Variants in ROBO1 observed in about 807,000 individuals in gnomAD.
ROBO1 encodes the protein roundabout homolog 1.
Under a neutral mutation model 195.9 loss-of-function variants are expected in ROBO1, and 149 were observed. That is an observed-to-expected ratio of 0.76 (90% CI 0.67 to 0.87). ROBO1 has a LOEUF of 0.87. ROBO1 is among the 40% of genes least tolerant of loss of function. The pLI is 0.00. For missense variants in ROBO1, 1,933 were observed against 2,068.3 expected (o/e 0.93, Z 1.27); for synonymous variants, 816 against 733.2 (o/e 1.11, Z -1.82).
At chr3:79,671,283 A>C (rs1298454749) in intron 1 of ROBO1, among the ~76,000 whole-genome samples, 1 of 151,874 alleles carries the variant, frequency 6.6e-6, no homozygotes, top group East Asian at 1.9e-4. Context: ...AAATGTGGAA[A>C]TTAATTCTCT....
At chr3:79,719,913 T>C (rs539396017) in intron 1 of ROBO1, among the ~76,000 whole-genome samples, 2 of 152,310 alleles carry the variant, frequency 1.3e-5, no homozygotes, top group East Asian at 1.9e-4. Context: ...CCAAGGTTCA[T>C]ATTTGAGGGA....
intron 2 of ROBO1, among the ~76,000 whole-genome samples, chr3:79,500,985 C>T (rs1379395850): frequency 1.3e-5 from 2 of 152,092 alleles, no homozygotes; most frequent in African/African-American, 4.8e-5. Context: ...ACTCCTCCAC[C>T]TCAGATGAGC....
intron 2 of ROBO1, among the ~76,000 whole-genome samples, chr3:79,292,516 T>A (rs965889655): frequency 6.6e-6 from 1 of 152,202 alleles, no homozygotes; most frequent in Non-Finnish European, 1.5e-5. Flanking sequence ...TGTGGGTTTG[T>A]TATAAATAGC....
At chr3:78,607,876 C>T (rs1399751679) in intron 28 of ROBO1, among the ~76,000 whole-genome samples, 1 of 152,112 alleles carries the variant, frequency 6.6e-6, no homozygotes, top group African/African-American at 2.4e-5. Context: ...CCAGGACTAA[C>T]CAATGGTTCA....
chr3:79,448,628 G>A (rs912644668), intron 2 of ROBO1, among the ~76,000 whole-genome samples: 2 of 152,030 alleles, frequency 1.3e-5, no homozygotes, highest in African/African-American at 4.8e-5. Context: ...TTTCCTCACC[G>A]CGATATGAGC....
At chr3:79,249,810 C>T (rs1040434373) in intron 2 of ROBO1, among the ~76,000 whole-genome samples, 1 of 152,096 alleles carries the variant, frequency 6.6e-6, no homozygotes, top group African/African-American at 2.4e-5. Flanking sequence ...GAAGTGTGTA[C>T]GTTCCCAAAC....
At chr3:78,890,138 G>A (rs1233490161) in intron 4 of ROBO1, among the ~76,000 whole-genome samples, 3 of 152,058 alleles carry the variant, frequency 2.0e-5, no homozygotes, top group African/African-American at 7.2e-5. Context: ...TGTAAGGACA[G>A]GAGTATTTTC....
At position 79,672,980 on chromosome 3, in the gene ROBO1, G is replaced by A. The variant is rs552496350; in HGVS notation, c.-50-83019C>T. On this transcript the variant is annotated intron_variant, in intron 1 of 30. Coordinates refer to ENST00000464233, the MANE Select transcript of ROBO1 (RefSeq NM_002941.4). ...TTTGTAAGAAAATCCTCTCAAGAGC[G>A]AGCAATGCCAAATGAGGGCCAAATG... Among the ~76,000 whole-genome samples the A allele has an allele frequency of 3.9e-5, 6 of 151,964 alleles. No individual in the cohort carries two copies. In the South Asian group the frequency reaches 1.0e-3, roughly 26 times the overall value.
At chr3:79,700,351 T>G (rs1947586915) in intron 1 of ROBO1, among the ~76,000 whole-genome samples, 1 of 68,304 alleles carries the variant, frequency 1.5e-5, no homozygotes, top group Non-Finnish European at 3.2e-5. Flanking sequence ...GTGTGTGTCT[T>G]TCTGGGAGAA....
chr3:79,157,340 G>A (rs2080876948), intron 2 of ROBO1, among the ~76,000 whole-genome samples: 1 of 151,930 alleles, frequency 6.6e-6, no homozygotes, highest in Non-Finnish European at 1.5e-5. Flanking sequence ...AACTGAAGCA[G>A]AGTGGTGGAA....
chr3:79,283,720 C>T (rs1342903260), intron 2 of ROBO1, among the ~76,000 whole-genome samples: 3 of 143,906 alleles, frequency 2.1e-5, no homozygotes, highest in Non-Finnish European at 3.0e-5. Flanking sequence ...TTTTTTGAGA[C>T]GGAGTCTCGC....
intron 4 of ROBO1, among the ~76,000 whole-genome samples, chr3:78,909,418 C>T (rs931532766): frequency 1.8e-4 from 28 of 151,884 alleles, no homozygotes; most frequent in African/African-American, 6.3e-4. Context: ...TGTGAGTCTT[C>T]TACTGTTAAT....
chr3:78,677,763 G>A (rs1483665728), intron 10 of ROBO1, among the ~76,000 whole-genome samples: 7 of 152,036 alleles, frequency 4.6e-5, no homozygotes, highest in East Asian at 3.9e-4. Flanking sequence ...TAGACAGATC[G>A]ACAAGACAGA....
At chr3:78,923,528 T>G (rs892208410) in intron 4 of ROBO1, among the ~76,000 whole-genome samples, 1 of 152,124 alleles carries the variant, frequency 6.6e-6, no homozygotes, top group Admixed American at 6.5e-5. Context: ...AAATGGTGTG[T>G]GTAATGCTAC....
At chr3:79,192,136 C>T (rs917755608) in intron 2 of ROBO1, among the ~76,000 whole-genome samples, 1 of 151,336 alleles carries the variant, frequency 6.6e-6, no homozygotes, top group Non-Finnish European at 1.5e-5. Flanking sequence ...AAATATATCC[C>T]CACATTTGAA....
intron 2 of ROBO1, among the ~76,000 whole-genome samples, chr3:79,162,138 T>C (rs573448098): frequency 3.3e-5 from 5 of 152,202 alleles, no homozygotes; most frequent in Admixed American, 2.6e-4. Context: ...TGTATGGTAA[T>C]AGGCACTAGC....
At chr3:79,542,906 T>G (rs1942129113) in intron 2 of ROBO1, among the ~76,000 whole-genome samples, 2 of 152,098 alleles carry the variant, frequency 1.3e-5, no homozygotes, top group South Asian at 4.1e-4. Context: ...CAATTCATTT[T>G]AATTAACAAA....
chr3:79,051,711 G>A (rs2078702748), intron 3 of ROBO1, among the ~76,000 whole-genome samples: 2 of 152,096 alleles, frequency 1.3e-5, no homozygotes, highest in African/African-American at 4.8e-5. Context: ...CTGAAGCCAT[G>A]GCAGAAGAAC....
At chr3:78,679,564 A>G (rs1407864130) in intron 10 of ROBO1, among the ~76,000 whole-genome samples, 1 of 152,120 alleles carries the variant, frequency 6.6e-6, no homozygotes, top group African/African-American at 2.4e-5. Context: ...TCATGAGTGA[A>G]CTCCCATTCA....
Sources: gnomAD v4.1 joint callset for allele counts (sites outside exome capture counted in the v4.1 genomes callset) on GRCh38, gnomAD v4.1.1 for gene constraint, MANE v1.5 for transcripts, NCBI Gene and HGNC (gene_info 2026-07-23, HGNC 2026-07-21) for gene names.